SLC9A9: variants seen among roughly 807,000 people sequenced by gnomAD.
SLC9A9 encodes solute carrier family 9 member A9.
Under a neutral mutation model 77.8 loss-of-function variants are expected in SLC9A9, and 62 were observed. The ratio of observed to expected loss-of-function variants is 0.80; its 90% CI spans 0.65 to 0.98. The LOEUF is 0.98. SLC9A9 is among the 50% of genes least tolerant of loss of function. SLC9A9 has a pLI of 0.00. For missense variants in SLC9A9, 775 were observed against 774.9 expected, an observed-to-expected ratio of 1.00 and a Z score of 0.00; for synonymous variants, 320 against 283.5, an observed-to-expected ratio of 1.13 and a Z score of -1.29.
chr3:143,819,479 A>G lies in SLC9A9; in HGVS notation c.378+12540T>C, dbSNP rs75865735. 9.4e-3 allele frequency among the ~76,000 whole-genome samples: 1,428 copies of G among 152,320 alleles called. 7 individuals carry two copies. The highest frequency in any genetic ancestry group is 0.044 in the Middle Eastern group (13 of 294). ...AGTCAGAAGCCCTGGTCCTAATTGT[A>G]GTTCTGTTGTAAATCAAACTTGACC... On this transcript the variant is annotated intron_variant, in intron 2 of 15. Transcript: ENST00000316549.
At chr3:143,733,076 A>G (rs182059316) in intron 4 of SLC9A9, among the ~76,000 whole-genome samples, 1 of 152,124 alleles carries the variant, frequency 6.6e-6, no homozygotes, top group Admixed American at 6.5e-5. Flanking sequence ...TTCATGAACT[A>G]TTATTACTTC....
At chr3:143,481,422 G>A (rs60701713) in intron 11 of SLC9A9, among the ~76,000 whole-genome samples, 6,789 of 152,240 alleles carry the variant, frequency 0.045, 501 homozygotes, top group African/African-American at 0.16. Flanking sequence ...TGAATAGGGA[G>A]GAAGACCTTA....
chr3:143,429,846 CAAGTT>C (rs1373196156), intron 12 of SLC9A9, among the ~76,000 whole-genome samples: 7 of 152,180 alleles, frequency 4.6e-5, no homozygotes, highest in Non-Finnish European at 8.8e-5. Context: ...AGTACACAGT[CAAGTT>C]GTGTTCTCTC....
intron 12 of SLC9A9, among the ~76,000 whole-genome samples, chr3:143,416,173 T>C (rs1340912654): frequency 6.6e-6 from 1 of 152,044 alleles, no homozygotes; most frequent in African/African-American, 2.4e-5. Flanking sequence ...TGAGAAAAAA[T>C]GTTTTGCTGA....
chr3:143,590,150 T>C (rs1293878193), intron 6 of SLC9A9, among the ~76,000 whole-genome samples: 5 of 152,214 alleles, frequency 3.3e-5, no homozygotes, highest in African/African-American at 1.2e-4. Flanking sequence ...CTACGCAGTT[T>C]GTCCTGTTTT....
intron 14 of SLC9A9, among the ~76,000 whole-genome samples, chr3:143,333,674 A>C (rs1439486357): frequency 1.0e-5 from 1 of 98,824 alleles, no homozygotes; most frequent in Non-Finnish European, 1.9e-5. Context: ...CAGAATGCAC[A>C]AAGTGAAGAA....
At chr3:143,695,048 A>C (rs1458701125) in intron 4 of SLC9A9, among the ~76,000 whole-genome samples, 1 of 152,116 alleles carries the variant, frequency 6.6e-6, no homozygotes, top group African/African-American at 2.4e-5. Flanking sequence ...AGGCAAGTCT[A>C]AGAGGCCTCA....
chr3:143,837,890 A>G (rs928946783), intron 1 of SLC9A9, among the ~76,000 whole-genome samples: 1 of 152,222 alleles, frequency 6.6e-6, no homozygotes, highest in African/African-American at 2.4e-5. Context: ...AGGCACTGGC[A>G]TAGCCACTTC....
At chr3:143,595,637 G>A (rs952360174) in intron 6 of SLC9A9, among the ~76,000 whole-genome samples, 1 of 152,204 alleles carries the variant, frequency 6.6e-6, no homozygotes, top group Non-Finnish European at 1.5e-5. Flanking sequence ...GAGGAAGTGA[G>A]AGCAAGAGAG....
At position 143,848,453 on chromosome 3, in the gene SLC9A9, C is replaced by T; in HGVS notation, c.-131G>A. ...GCCACTTTAGTTGCTACTTCACAAG[C>T]ATTCTGCCCTGGCTTAGTATTCAGA... is the stretch of plus-strand genomic sequence containing the variant. On this transcript the variant is annotated 5_prime_UTR_variant, in exon 1 of 16. The change abolishes an upstream ATG in the 5' untranslated region. Coordinates refer to ENST00000316549, the MANE Select transcript of SLC9A9 (RefSeq NM_173653.4). 1.7e-6 allele frequency: 2 copies of T among 1,177,050 alleles called. No homozygotes were observed. The highest frequency in any genetic ancestry group is 2.5e-6 in the Non-Finnish European group (2 of 802,498). The allele number at this position is 1,177,050 out of a possible 1,614,324, so 72.9% of individuals were successfully genotyped here.
chr3:143,661,611 T>A (rs1164545702), intron 5 of SLC9A9, among the ~76,000 whole-genome samples: 1 of 152,226 alleles, frequency 6.6e-6, no homozygotes, highest in Non-Finnish European at 1.5e-5. Context: ...CAGGAAAACA[T>A]CTCCAGTCCC....
chr3:143,363,448 A>G (rs113504193), intron 14 of SLC9A9, 36 bp downstream of exon 14: 7 of 1,585,822 alleles, frequency 4.4e-6, no homozygotes, highest in Admixed American at 1.7e-5. Context: ...CTCTGCCTGC[A>G]GCAGGATCTG....
At chr3:143,713,644 G>T (rs565249117) in intron 4 of SLC9A9, among the ~76,000 whole-genome samples, 11 of 152,242 alleles carry the variant, frequency 7.2e-5, no homozygotes, top group Non-Finnish European at 1.5e-4. Context: ...TCTGTGAAAG[G>T]GATATTGATT....
At chr3:143,651,518 G>C (rs1433139093) in intron 6 of SLC9A9, among the ~76,000 whole-genome samples, 2 of 152,152 alleles carry the variant, frequency 1.3e-5, no homozygotes, top group Non-Finnish European at 2.9e-5. Flanking sequence ...TTGTCACATT[G>C]AATTATCAGA....
At chr3:143,592,405 A>C (rs1255881653) in intron 6 of SLC9A9, among the ~76,000 whole-genome samples, 1 of 152,054 alleles carries the variant, frequency 6.6e-6, no homozygotes, top group Non-Finnish European at 1.5e-5. Context: ...ACAACAACAA[A>C]AAAAGTGCCT....
At chr3:143,665,299 C>T (rs2039045994) in intron 5 of SLC9A9, among the ~76,000 whole-genome samples, 1 of 152,154 alleles carries the variant, frequency 6.6e-6, no homozygotes, top group Admixed American at 6.5e-5. Flanking sequence ...AGAACAAAGA[C>T]ACAACATACC....
At chr3:143,481,123 T>A (rs1453636600) in intron 11 of SLC9A9, among the ~76,000 whole-genome samples, 2 of 152,186 alleles carry the variant, frequency 1.3e-5, no homozygotes, top group Non-Finnish European at 2.9e-5. Flanking sequence ...TCAAGTAGCG[T>A]GCTGGGTGCT....
At chr3:143,416,858 C>T (rs1053585498) in intron 12 of SLC9A9, among the ~76,000 whole-genome samples, 12 of 152,092 alleles carry the variant, frequency 7.9e-5, no homozygotes, top group East Asian at 3.8e-4. Flanking sequence ...TGCATTCGCA[C>T]GTATATACAT....
At chr3:143,347,368 T>C (rs2032316270) in intron 14 of SLC9A9, among the ~76,000 whole-genome samples, 1 of 152,016 alleles carries the variant, frequency 6.6e-6, no homozygotes, top group Admixed American at 6.6e-5. Context: ...AAATGGATGA[T>C]GAGAAAGATA....
Sources: allele counts gnomAD v4.1 joint callset (sites outside exome capture counted in the v4.1 genomes callset), GRCh38; gene constraint gnomAD v4.1.1; transcripts MANE v1.5; gene names NCBI Gene and HGNC (gene_info 2026-07-23, HGNC 2026-07-21).